The following ATP2B2 variants were observed in gnomAD, a reference collection of about 807,000 sequenced individuals.
ATP2B2 encodes the protein ATPase plasma membrane Ca2+ transporting 2, also known as plasma membrane calcium-transporting ATPase 2.
ATP2B2 carries 15 observed loss-of-function variants against 120.0 expected under a neutral mutation model. The observed-to-expected ratio is 0.12, with a 90% confidence interval of 0.08 to 0.19. The LOEUF (loss-of-function observed/expected upper bound fraction) is 0.19. Ranked by LOEUF, ATP2B2 falls within the 10% of genes least tolerant of loss-of-function variation. The pLI, the probability that ATP2B2 is intolerant of heterozygous loss-of-function variation, is 1.00. For missense variants in ATP2B2, 1,045 were observed against 1,719.8 expected, an observed-to-expected ratio of 0.61 and a Z score of 6.94; for synonymous variants, 694 against 700.3, an observed-to-expected ratio of 0.99 and a Z score of 0.14.
At chr3:10,337,071 T>C (rs543424376) in intron 22 of ATP2B2, among the ~76,000 whole-genome samples, 85 of 152,286 alleles carry the variant, frequency 5.6e-4, no homozygotes, top group African/African-American at 1.9e-3. Context: ...CCTCCGGGTC[T>C]GAAACCGGCT....
chr3:10,382,462 TC>T (rs1328492290), intron 8 of ATP2B2, among the ~76,000 whole-genome samples: 2 of 152,000 alleles, frequency 1.3e-5, no homozygotes, highest in Non-Finnish European at 2.9e-5. Context: ...TTCTCCTGCC[TC>T]ATCCTCCTAA....
intron 1 of ATP2B2, among the ~76,000 whole-genome samples, chr3:10,483,054 G>T (rs1366511934): frequency 6.6e-6 from 1 of 152,202 alleles, no homozygotes; most frequent in African/African-American, 2.4e-5. Flanking sequence ...AGCTCATAGG[G>T]GCAGGGTTAG....
rs2061434451 is a variant in ATP2B2, at chr3:10,378,306, TCTC to T, written c.1144_1146del (p.Glu382del). The T allele has an allele frequency of 6.2e-7, 1 of 1,609,688 alleles. No homozygotes were observed. The highest frequency in any genetic ancestry group is 8.5e-7 in the Non-Finnish European group (1 of 1,180,010). ...GTGAGCTTGCCCTGCAGCACGGACTTCTCCTTCTTGTGCATGCTGGCCTTCTTC... is the reference window on the plus strand; with the variant it reads ...GTGAGCTTGCCCTGCAGCACGGACTTCTTCTTGTGCATGCTGGCCTTCTTC... On this transcript the variant is annotated inframe_deletion, in exon 10 of 23. Transcript: ENST00000360273.
At chr3:10,352,147 A>G (rs1390865759) in intron 14 of ATP2B2, among the ~76,000 whole-genome samples, 1 of 152,096 alleles carries the variant, frequency 6.6e-6, no homozygotes, top group Non-Finnish European at 1.5e-5. Context: ...TATCCACCCC[A>G]TTCACAGCAC....
chr3:10,379,572 G>A (rs1253685127), intron 8 of ATP2B2, among the ~76,000 whole-genome samples: 1 of 152,214 alleles, frequency 6.6e-6, no homozygotes, highest in Admixed American at 6.5e-5. Context: ...ACAGATCAAA[G>A]GGAAGTATCA....
At chr3:10,706,273 T>A (rs951129225) in intron 1 of ATP2B2, among the ~76,000 whole-genome samples, 7 of 152,184 alleles carry the variant, frequency 4.6e-5, no homozygotes, top group African/African-American at 1.4e-4. Flanking sequence ...AGGAATGACC[T>A]CGCACAGAGG....
intron 2 of ATP2B2, among the ~76,000 whole-genome samples, chr3:10,426,981 A>G (rs1282111777): frequency 2.0e-5 from 3 of 152,190 alleles, no homozygotes; most frequent in African/African-American, 7.2e-5. Flanking sequence ...AACCGCATTC[A>G]CATCTGTGAT....
chr3:10,698,247 G>A (rs1355151213), intron 1 of ATP2B2, among the ~76,000 whole-genome samples: 4 of 152,192 alleles, frequency 2.6e-5, no homozygotes, highest in East Asian at 1.9e-4. Flanking sequence ...TAAAAGAAAC[G>A]CAGAGATACC....
At chr3:10,488,210 CATCCATCCATCCACTCATCCACCT>C in intron 1 of ATP2B2, among the ~76,000 whole-genome samples, 1 of 151,054 alleles carries the variant, frequency 6.6e-6, no homozygotes. Flanking sequence ...TCTATCCATC[CATCCATCCATCCACTCATCCACCT>C]ATCCATCCAT....
chr3:10,432,006 A>C (rs1319611681), intron 2 of ATP2B2, among the ~76,000 whole-genome samples: 1 of 152,222 alleles, frequency 6.6e-6, no homozygotes, highest in Non-Finnish European at 1.5e-5. Flanking sequence ...AAATTTCAGG[A>C]CAGAGCTGGA....
chr3:10,378,517 A>G, intron 9 of ATP2B2, 107 bp from the exon 10 acceptor site: 2 of 1,459,810 alleles, frequency 1.4e-6, no homozygotes, highest in Non-Finnish European at 1.9e-6. Flanking sequence ...TGCCCAGGGT[A>G]GGTGCTGACT....
intron 8 of ATP2B2, among the ~76,000 whole-genome samples, chr3:10,380,593 A>C (rs1306431389): frequency 6.6e-6 from 1 of 152,196 alleles, no homozygotes; most frequent in East Asian, 1.9e-4. Context: ...GGGTAAATGG[A>C]GAGCTGGCCC....
At chr3:10,632,567 A>G (rs1241655885) in intron 1 of ATP2B2, among the ~76,000 whole-genome samples, 2 of 152,236 alleles carry the variant, frequency 1.3e-5, no homozygotes, top group African/African-American at 4.8e-5. Context: ...AGACAAAGTT[A>G]ATGACTGTGG....
intron 1 of ATP2B2, among the ~76,000 whole-genome samples, chr3:10,680,291 C>T (rs909711830): frequency 1.3e-5 from 2 of 152,040 alleles, no homozygotes; most frequent in African/African-American, 4.8e-5. Flanking sequence ...TCAGTTTCCT[C>T]CTGCTGCAAG....
At chr3:10,350,285 C>T in intron 15 of ATP2B2, 86 bp from the exon 16 acceptor site, 1 of 1,581,952 alleles carries the variant, frequency 6.3e-7, no homozygotes, top group Non-Finnish European at 8.6e-7. Flanking sequence ...TGCCCAGAGT[C>T]ACTGGGCTCT....
chr3:10,660,497 G>T (rs891911451), intron 1 of ATP2B2, among the ~76,000 whole-genome samples: 2 of 152,180 alleles, frequency 1.3e-5, no homozygotes, highest in African/African-American at 4.8e-5. Context: ...AGAAAATCTA[G>T]AAGAAATGGA....
intron 12 of ATP2B2, among the ~76,000 whole-genome samples, chr3:10,363,501 T>C (rs982966244): frequency 6.6e-6 from 1 of 152,300 alleles, no homozygotes; most frequent in East Asian, 1.9e-4. Flanking sequence ...TTTCTTGGCA[T>C]GGTGTTGGGC....
intron 6 of ATP2B2, chr3:10,387,939 C>T (rs899099173): frequency 2.8e-6 from 1 of 355,754 alleles, no homozygotes; most frequent in Non-Finnish European, 5.5e-6. Context: ...GATTTCTACT[C>T]AATACTGGAG....
chr3:10,345,957 G>A, intron 17 of ATP2B2, 74 bp downstream of exon 17: 1 of 1,441,840 alleles, frequency 6.9e-7, no homozygotes, highest in Non-Finnish European at 9.4e-7. Context: ...GGGCTCCTGA[G>A]TAGCCAGCCC....
Sources: allele counts gnomAD v4.1 joint callset (sites outside exome capture counted in the v4.1 genomes callset), GRCh38; gene constraint gnomAD v4.1.1; transcripts MANE v1.5; gene names NCBI Gene and HGNC (gene_info 2026-07-23, HGNC 2026-07-21).